Variants in KCNJ6 observed in about 807,000 individuals in gnomAD.
KCNJ6 encodes the protein G protein-activated inward rectifier potassium channel 2.
KCNJ6 carries 9 observed loss-of-function variants against 34.2 expected under a neutral mutation model. The observed-to-expected ratio is 0.26, with a 90% confidence interval of 0.16 to 0.46. KCNJ6 has a LOEUF of 0.46. Among genes scored for constraint, KCNJ6 ranks in the 20% least tolerant of loss-of-function variants. The pLI is 1.00. For missense variants in KCNJ6, 236 were observed against 531.3 expected (o/e 0.44, Z 5.46); for synonymous variants, 196 against 207.1 (o/e 0.95, Z 0.46).
chr21:37,756,438 G>A (rs2055025314), intron 2 of KCNJ6, among the ~76,000 whole-genome samples: 1 of 152,202 alleles, frequency 6.6e-6, no homozygotes, highest in East Asian at 1.9e-4. Context: ...GACGTGCGTG[G>A]AAACAGAGGC....
chr21:37,686,186 C>A (rs899749193), intron 3 of KCNJ6, among the ~76,000 whole-genome samples: 2 of 152,120 alleles, frequency 1.3e-5, no homozygotes, highest in African/African-American at 2.4e-5. Flanking sequence ...AAATGAGGAA[C>A]AGAAGATTAA....
chr21:37,762,327 G>A (rs1301608831), intron 2 of KCNJ6, among the ~76,000 whole-genome samples: 1 of 152,184 alleles, frequency 6.6e-6, no homozygotes, highest in Non-Finnish European at 1.5e-5. Context: ...CTCAGCCCAT[G>A]GAGAGCAGCT....
intron 2 of KCNJ6, among the ~76,000 whole-genome samples, chr21:37,739,080 G>C (rs61449432): frequency 6.6e-6 from 1 of 152,160 alleles, no homozygotes; most frequent in African/African-American, 2.4e-5. Context: ...GAATAGAGAT[G>C]TGCAGTAAGT....
intron 2 of KCNJ6, among the ~76,000 whole-genome samples, chr21:37,716,229 G>T (rs1290983846): frequency 4.6e-5 from 7 of 152,112 alleles, no homozygotes; most frequent in Non-Finnish European, 8.8e-5. Context: ...GTACTTTAAT[G>T]GTTGATTCAA....
chr21:37,883,945 C>G (rs2055722374), intron 1 of KCNJ6, among the ~76,000 whole-genome samples: 1 of 152,150 alleles, frequency 6.6e-6, no homozygotes, highest in Admixed American at 6.5e-5. Flanking sequence ...TGCCTGTTTG[C>G]CAGAAGCTGA....
In KCNJ6 at chr21:37,668,712, A is replaced by G. The variant is rs149723365; in HGVS notation, c.947-43228T>C. Among the ~76,000 whole-genome samples, 663 of 152,258 alleles carry G rather than the reference A, an allele frequency of 4.4e-3. 2 individuals carry two copies. The highest frequency in any genetic ancestry group is 6.8e-3 in the Middle Eastern group (2 of 294). ...AGGAAGCTGGCCTGCACGGCCTCTGAGCTTCTCCACTTTCTTACTCATCTG... is the reference window on the plus strand; with the variant it reads ...AGGAAGCTGGCCTGCACGGCCTCTGGGCTTCTCCACTTTCTTACTCATCTG... On this transcript the variant is annotated intron_variant, in intron 3 of 3. Coordinates refer to ENST00000609713, the MANE Select transcript of KCNJ6 (RefSeq NM_002240.5).
chr21:37,888,630 T>C (rs981645388), intron 1 of KCNJ6, among the ~76,000 whole-genome samples: 9 of 152,222 alleles, frequency 5.9e-5, no homozygotes, highest in Non-Finnish European at 1.2e-4. Context: ...GAAGGATGTA[T>C]GGGGCCCATG....
chr21:37,885,847 C>A (rs1432637981), intron 1 of KCNJ6, among the ~76,000 whole-genome samples: 1 of 152,248 alleles, frequency 6.6e-6, no homozygotes. Context: ...GATGGTACTG[C>A]AAGATGCTAA....
intron 2 of KCNJ6, among the ~76,000 whole-genome samples, chr21:37,835,264 C>A (rs181734976): frequency 1.3e-5 from 2 of 152,186 alleles, no homozygotes; most frequent in African/African-American, 2.4e-5. Context: ...AGCTTGCCAG[C>A]AGAACCCTGA....
rs572452197 is a variant in KCNJ6, at chr21:37,833,519, T to C, written c.25+7139A>G. On this transcript the variant is annotated intron_variant, in intron 2 of 3. Coordinates refer to ENST00000609713, the MANE Select transcript of KCNJ6 (RefSeq NM_002240.5). The stretch of plus-strand genomic sequence containing the variant: ...ATGGAATTTTAAGATGCAGTGTCAA[T>C]ATACCATGTGCTCTTCCCCACCATG... Among the ~76,000 whole-genome samples the C allele has an allele frequency of 2.0e-5, 3 of 152,290 alleles. No homozygotes were observed. In the South Asian group the frequency reaches 6.2e-4, roughly 32 times the overall value.
At chr21:37,857,514 TGAGTG>T (rs2055571211) in intron 1 of KCNJ6, among the ~76,000 whole-genome samples, 1 of 152,224 alleles carries the variant, frequency 6.6e-6, no homozygotes, top group African/African-American at 2.4e-5. Flanking sequence ...TTTGTGTGGC[TGAGTG>T]GAAAAGAAAC....
In KCNJ6 at chr21:37,621,265, T is replaced by C. The variant is rs1477076571; in HGVS notation, c.*3894A>G. ...TTAGCAAACTGTTTTGGAAATGATT[T>C]ACTATGAGTATTTTAATTGTATTCT... is the stretch of plus-strand genomic sequence containing the variant. On this transcript the variant is annotated 3_prime_UTR_variant, in exon 4 of 4. Coordinates refer to ENST00000609713, the MANE Select transcript of KCNJ6 (RefSeq NM_002240.5). The C allele has an allele frequency of 6.6e-6, 1 of 152,236 alleles. No homozygotes were observed. The highest frequency in any genetic ancestry group is 1.5e-5 in the Non-Finnish European group (1 of 68,044). The allele number at this position is 152,236 out of a possible 1,614,324, so 9.4% of individuals were successfully genotyped here. A position where few individuals can be genotyped will look rare whatever the true frequency, so the allele number is the denominator to read the frequency against.
intron 3 of KCNJ6, among the ~76,000 whole-genome samples, chr21:37,634,611 A>T (rs1175301519): frequency 6.6e-6 from 1 of 152,198 alleles, no homozygotes; most frequent in African/African-American, 2.4e-5. Context: ...CTAATAAGTA[A>T]ATTACACATG....
At position 37,714,992 on chromosome 21, in the gene KCNJ6, C is replaced by T. The variant is rs1334347351; in HGVS notation, c.165G>A (p.Arg55=). Residue 55 remains arginine, a synonymous_variant, in exon 3 of 4, where the codon AGG becomes AGA. Transcript: ENST00000609713. This position sits in a 1 kb window ranked among gnomAD's most constrained non-coding sequence, Gnocchi z 5.9. The part of the protein sequence containing the change: ...SRDRTKRKIQ[R]YVRKDGKCNV... The stretch of plus-strand genomic sequence containing the variant: ...TGCACTTTCCGTCTTTCCTCACGTA[C>T]CTCTGGATTTTCCTTTTGGTCCGAT... 6 of 1,614,092 alleles carry T rather than the reference C, an allele frequency of 3.7e-6. No individual in the cohort carries two copies. Among genetic ancestry groups the T allele is most frequent in the South Asian group, 1.1e-5 (1 of 91,092 alleles).
chr21:37,615,244 C>CTTTTTTTTTTTTTTTTTTTTTT lies in KCNJ6; in HGVS notation c.*9893_*9914dup, dbSNP rs1156939747. On this transcript the variant is annotated 3_prime_UTR_variant, in exon 4 of 4. Transcript: ENST00000609713. ...ACCCTCGACTGACATTCCCAGCATT[C>CTTTTTTTTTTTTTTTTTTTTTT]TTTTTTTTTTTTTTTTTTTTTTTTT... 2 of 98,890 alleles carry CTTTTTTTTTTTTTTTTTTTTTT rather than the reference C, an allele frequency of 2.0e-5. 1 individual carries two copies. Among genetic ancestry groups the CTTTTTTTTTTTTTTTTTTTTTT allele is most frequent in the African/African-American group, 7.9e-5 (2 of 25,164 alleles). 6.1% of individuals were successfully genotyped at this position (98,890 alleles called of 1,614,324 possible). A position where few individuals can be genotyped will look rare whatever the true frequency, so the allele number is the denominator to read the frequency against.
At chr21:37,898,034 A>G (rs1423318417) in intron 1 of KCNJ6, among the ~76,000 whole-genome samples, 2 of 152,208 alleles carry the variant, frequency 1.3e-5, no homozygotes, top group Non-Finnish European at 2.9e-5. Flanking sequence ...GTGTGTGCTC[A>G]CTACTGTGGG....
intron 3 of KCNJ6, among the ~76,000 whole-genome samples, chr21:37,712,906 A>G (rs749656593): frequency 3.3e-5 from 5 of 151,876 alleles, no homozygotes; most frequent in Non-Finnish European, 5.9e-5. Flanking sequence ...TTATTTTGCA[A>G]CAGTGACTTT....
chr21:37,729,742 C>G (rs1246036054), intron 2 of KCNJ6, among the ~76,000 whole-genome samples: 1 of 152,196 alleles, frequency 6.6e-6, no homozygotes, highest in Non-Finnish European at 1.5e-5. Context: ...ACAAAGATGC[C>G]CAGATGAGGG....
At chr21:37,860,882 G>A (rs1267478384) in intron 1 of KCNJ6, among the ~76,000 whole-genome samples, 1 of 107,258 alleles carries the variant, frequency 9.3e-6, no homozygotes, top group Non-Finnish European at 2.0e-5. Flanking sequence ...TTGTGTATGT[G>A]GGTAGACAGT....
Sources: gnomAD v4.1 joint callset for allele counts (sites outside exome capture counted in the v4.1 genomes callset) on GRCh38, gnomAD v4.1.1 for gene constraint, Gnocchi (gnomAD v3.1) non-coding constraint, MANE v1.5 for transcripts, NCBI Gene and HGNC (gene_info 2026-07-23, HGNC 2026-07-21) for gene names.